The following RAB29 variants were observed in gnomAD, a reference collection of about 807,000 sequenced individuals.
The protein encoded by RAB29 is ras-related protein Rab-29.
Under a neutral mutation model 25.5 loss-of-function variants are expected in RAB29, and 13 were observed. The ratio of observed to expected loss-of-function variants is 0.51; its 90% CI spans 0.33 to 0.81. RAB29 has a LOEUF of 0.81. Ranked by LOEUF, RAB29 falls within the 30% of genes least tolerant of loss-of-function variation. The pLI, the probability that RAB29 is intolerant of heterozygous loss-of-function variation, is 0.02. For synonymous variants in RAB29, 88 were observed against 95.0 expected (o/e 0.93, Z 0.43); for missense variants, 201 against 254.9 (o/e 0.79, Z 1.44).
Position 205,770,026 on chromosome 1 carries a change from A to C in RAB29, c.*316T>G. The C allele has an allele frequency of 2.7e-6, 1 of 368,796 alleles. No homozygotes were observed. Among genetic ancestry groups the C allele is most frequent in the East Asian group, 5.5e-5 (1 of 18,158 alleles). The allele number at this position is 368,796 out of a possible 1,614,324, so 22.8% of individuals were successfully genotyped here. The stretch of plus-strand genomic sequence containing the variant: ...AGCTCAGAAGTAGGTGAGAATTATG[A>C]TCTCTAAAACGCAGGTGCTGATTTC... On this transcript the variant is annotated 3_prime_UTR_variant, in exon 6 of 6. Coordinates refer to ENST00000367139, the MANE Select transcript of RAB29 (RefSeq NM_003929.3).
At chr1:205,770,897 G>A in intron 4 of RAB29, 43 bp from the exon 5 acceptor site, 2 of 1,608,734 alleles carry the variant, frequency 1.2e-6, no homozygotes, top group Non-Finnish European at 1.7e-6. Flanking sequence ...TAAACTTCCT[G>A]CAACTAAGAA....
chr1:205,771,207 G>T, intron 4 of RAB29: 1 of 499,614 alleles, frequency 2.0e-6, no homozygotes, highest in Non-Finnish European at 3.6e-6. Flanking sequence ...GCTGAGGCAA[G>T]AGAATGGCGT....
intron 1 of RAB29, 24 bp downstream of exon 1, chr1:205,775,249 C>T: frequency 2.8e-6 from 1 of 353,306 alleles, no homozygotes; most frequent in Non-Finnish European, 5.2e-6. Flanking sequence ...GAAACTGGAC[C>T]AGGCGCCGCG....
chr1:205,771,351 A>G, intron 4 of RAB29, 121 bp downstream of exon 4: 1 of 1,081,292 alleles, frequency 9.2e-7, no homozygotes. Flanking sequence ...CCTTTGAAGG[A>G]GGTAGAGATG....
intron 3 of RAB29, 130 bp from the exon 4 acceptor site, chr1:205,771,783 A>G (rs563346960): frequency 2.1e-6 from 2 of 950,338 alleles, no homozygotes; most frequent in East Asian, 5.1e-5. Flanking sequence ...TTGGTTTTCT[A>G]TCCCATAAAG....
intron 2 of RAB29, among the ~76,000 whole-genome samples, chr1:205,774,124 T>C (rs1044339318): frequency 3.5e-4 from 54 of 152,166 alleles, no homozygotes; most frequent in African/African-American, 1.3e-3. Context: ...TTCTCCAGTT[T>C]GAGGAAAAAA....
At position 205,770,713 on chromosome 1, in the gene RAB29, T is replaced by C; in HGVS notation, c.500+20A>G. On this transcript the variant is annotated intron_variant, in intron 5 of 5. Transcript: ENST00000367139. ...TGGAAGATGGATACATCTGCATGCCTATCAGCATGAGCTACTTACCTCATA... is the reference window on the plus strand; with the variant it reads ...TGGAAGATGGATACATCTGCATGCCCATCAGCATGAGCTACTTACCTCATA... 1 of 1,613,864 alleles carries C rather than the reference T, an allele frequency of 6.2e-7. No individual in the cohort carries two copies. Among genetic ancestry groups the C allele is most frequent in the Non-Finnish European group, 8.5e-7 (1 of 1,179,898 alleles).
chr1:205,774,890 G>GC lies in RAB29; in HGVS notation c.66dup (p.Leu23AlafsTer31). 6.3e-7 allele frequency: 1 copy of GC among 1,578,722 alleles called. No homozygotes were observed. The highest frequency in any genetic ancestry group is 8.6e-7 in the Non-Finnish European group (1 of 1,157,640). On this transcript the variant is annotated frameshift_variant, in exon 2 of 6. Coordinates refer to ENST00000367139, the MANE Select transcript of RAB29 (RefSeq NM_003929.3). LOFTEE classifies it high-confidence loss of function. ...CTGTCCTGGGAATATCGCTGCACCA[G>GC]CGACGTCTTGCCCACTGCGGCGTCC...
At position 205,770,383 on chromosome 1, in the gene RAB29, T is replaced by G; in HGVS notation, c.571A>C (p.Ile191Leu). Reference protein sequence around the residue: ...IMSLSTQGDYINLQTKSSSWS... With the variant: ...IMSLSTQGDYLNLQTKSSSWS... ...CTGGAGGACTTGGTTTGTAGATTGA[T>G]GTAGTCCCCTTGGGTGGACAAAGAC... The change falls in exon 6 of 6, where the codon ATC becomes CTC. Residue 191 changes from isoleucine to leucine, a missense_variant. Coordinates refer to ENST00000367139, the MANE Select transcript of RAB29 (RefSeq NM_003929.3). The G allele has an allele frequency of 6.2e-7, 1 of 1,614,198 alleles. No homozygotes were observed. Among genetic ancestry groups the G allele is most frequent in the Non-Finnish European group, 8.5e-7 (1 of 1,180,014 alleles).
In RAB29 at chr1:205,770,412, A is replaced by G. The variant is rs753311160; in HGVS notation, c.542T>C (p.Ile181Thr). 4.3e-6 allele frequency: 7 copies of G among 1,614,198 alleles called. No homozygotes were observed. In the Admixed American group the frequency reaches 5.0e-5, roughly 12 times the overall value. ...EKMMRNSTED[I>T]MSLSTQGDYI... ...GTCCCCTTGGGTGGACAAAGACATG[A>G]TATCTTCTGTGGAATTTCTCATCAT... Residue 181 changes from isoleucine to threonine, a missense_variant, in exon 6 of 6, where the codon ATC (isoleucine) becomes ACC (threonine). Coordinates refer to ENST00000367139, the MANE Select transcript of RAB29 (RefSeq NM_003929.3).
Position 205,769,987 on chromosome 1 carries a change from CA to C in RAB29, c.*354del. ...TGGAAGTCATGATATCAATGAATAT[CA>C]AATGGAAAAATAAGCTCAGAAGTAG... On this transcript the variant is annotated 3_prime_UTR_variant, in exon 6 of 6. Coordinates refer to ENST00000367139, the MANE Select transcript of RAB29 (RefSeq NM_003929.3). 1 of 266,292 alleles carries C rather than the reference CA, an allele frequency of 3.8e-6. No homozygotes were observed. Among genetic ancestry groups the C allele is most frequent in the Non-Finnish European group, 7.2e-6 (1 of 138,280 alleles). 16.5% of individuals were successfully genotyped at this position (266,292 alleles called of 1,614,324 possible).
At chr1:205,774,041 GA>G (rs1187686124) in intron 2 of RAB29, among the ~76,000 whole-genome samples, 1 of 152,030 alleles carries the variant, frequency 6.6e-6, no homozygotes, top group African/African-American at 2.4e-5. Context: ...TTCTGCCTCT[GA>G]AAAAATAGTT....
chr1:205,775,012 C>A lies in RAB29; in HGVS notation c.-56G>T, dbSNP rs1457777285. The A allele has an allele frequency of 6.2e-7, 1 of 1,603,338 alleles. No individual in the cohort carries two copies. Among genetic ancestry groups the A allele is most frequent in the Non-Finnish European group, 8.5e-7 (1 of 1,176,376 alleles). On this transcript the variant is annotated 5_prime_UTR_variant, in exon 2 of 6. Coordinates refer to ENST00000367139, the MANE Select transcript of RAB29 (RefSeq NM_003929.3). Reference sequence around the variant, plus strand: ...GGAAGTGTGGTCGGGGATCGGGGGTCGCTCGTTTTAACCCCTTTGGATCCG... The same window carrying A: ...GGAAGTGTGGTCGGGGATCGGGGGTAGCTCGTTTTAACCCCTTTGGATCCG...
rs1470098001 is a variant in RAB29 at position 205,770,844 on chromosome 1, G to C, written c.389C>G (p.Ser130Cys). The C allele has an allele frequency of 6.2e-7, 1 of 1,614,036 alleles. No individual in the cohort carries two copies. The highest frequency in any genetic ancestry group is 8.5e-7 in the Non-Finnish European group (1 of 1,180,010). The stretch of plus-strand genomic sequence containing the variant: ...CTGGTCCCGGCTCACTGCCCAAGGG[G>C]ACAGATCACACTAGCAAAGAGAAAA... ...CLLLANKCDLSPWAVSRDQID... is the reference protein window; with the variant it reads ...CLLLANKCDLCPWAVSRDQID... The change falls in exon 5 of 6, where the codon TCC (serine) becomes TGC (cysteine). Residue 130 changes from serine (S) to cysteine (C), a missense_variant. Transcript: ENST00000367139.
intron 2 of RAB29, among the ~76,000 whole-genome samples, 177 bp from the exon 3 acceptor site, chr1:205,772,744 GGAT>G (rs1277247171): frequency 2.6e-5 from 4 of 152,064 alleles, no homozygotes; most frequent in African/African-American, 4.8e-5. Flanking sequence ...AGTGTGAGAT[GGAT>G]GATTCATACT....
intron 4 of RAB29, 184 bp from the exon 5 acceptor site, chr1:205,771,038 C>T: frequency 1.3e-6 from 1 of 765,782 alleles, no homozygotes; most frequent in East Asian, 3.2e-5. Flanking sequence ...GTGGCTCACG[C>T]CTGTAATCCC....
In RAB29 at chr1:205,774,909, G is replaced by A. The variant is rs1295239861; in HGVS notation, c.48C>T (p.Ala16=). The A allele has an allele frequency of 6.2e-7, 1 of 1,613,644 alleles. No homozygotes were observed. The highest frequency in any genetic ancestry group is 8.5e-7 in the Non-Finnish European group (1 of 1,179,878). Reference sequence around the variant, plus strand: ...GCACCAGCGACGTCTTGCCCACTGCGGCGTCCCCCACCACCAGCACTTTGA... The same window carrying A: ...GCACCAGCGACGTCTTGCCCACTGCAGCGTCCCCCACCACCAGCACTTTGA... ...HLFKVLVVGD[A]AVGKTSLVQR... is the part of the protein sequence containing the mutation. The change falls in exon 2 of 6, where the codon GCC becomes GCT. Residue 16 remains alanine (A), a synonymous_variant. Coordinates refer to ENST00000367139, the MANE Select transcript of RAB29 (RefSeq NM_003929.3).
At position 205,767,996 on chromosome 1, in the gene RAB29, AG is replaced by A. The variant is rs1317054668; in HGVS notation, c.*2345del. 2.0e-5 allele frequency: 3 copies of A among 152,226 alleles called. No homozygotes were observed. The highest frequency in any genetic ancestry group is 4.4e-5 in the Non-Finnish European group (3 of 68,034). 9.4% of individuals were successfully genotyped at this position (152,226 alleles called of 1,614,324 possible). ...AATAACCACCATGAATACAAGACTT[AG>A]TTCTCATTTATTTGTGATTTTGCAG... On this transcript the variant is annotated 3_prime_UTR_variant, in exon 6 of 6. Transcript: ENST00000367139.
intron 2 of RAB29, 26 bp downstream of exon 2, chr1:205,774,807 C>CCCA: frequency 6.7e-7 from 1 of 1,491,098 alleles, no homozygotes; most frequent in Non-Finnish European, 9.2e-7. Flanking sequence ...CTCCCCCTCC[C>CCCA]CCTCCCCACC....
Sources: allele counts gnomAD v4.1 joint callset (sites outside exome capture counted in the v4.1 genomes callset), GRCh38; gene constraint gnomAD v4.1.1; transcripts MANE v1.5; gene names NCBI Gene and HGNC (gene_info 2026-07-23, HGNC 2026-07-21).